XPR1: variants seen among roughly 807,000 people sequenced by gnomAD.
XPR1 encodes xenotropic and polytropic retrovirus receptor 1.
A neutral mutation model predicts 87.5 loss-of-function variants in XPR1; 28 were observed. The ratio of observed to expected loss-of-function variants is 0.32; its 90% CI spans 0.24 to 0.44. The LOEUF is 0.44. Among genes scored for constraint, XPR1 ranks in the 20% least tolerant of loss-of-function variants. The probability of loss-of-function intolerance (pLI) is 1.00; values close to 1 mark genes in which losing one functional copy is unlikely to be tolerated. For synonymous variants in XPR1, 300 were observed against 306.1 expected (o/e 0.98, Z 0.21); for missense variants, 559 against 862.3 (o/e 0.65, Z 4.41).
chr1:180,844,886 G>T (rs192960359), intron 11 of XPR1, among the ~76,000 whole-genome samples: 1 of 152,102 alleles, frequency 6.6e-6, no homozygotes, highest in Admixed American at 6.5e-5. Context: ...TCCTCCAAAG[G>T]CCATTGCAAC....
At position 180,884,458 on chromosome 1, in the gene XPR1, T is replaced by C. The variant is rs560580562; in HGVS notation, c.*392T>C. On this transcript the variant is annotated 3_prime_UTR_variant, in exon 15 of 15. Coordinates refer to ENST00000367590, the MANE Select transcript of XPR1 (RefSeq NM_004736.4). ...GGCTTCCGCTCAGCCCGGTTTTGAC[T>C]GGTTGAAACCGGACATTGGTTTTTA... 6.4e-6 allele frequency: 1 copy of C among 157,110 alleles called. No homozygotes were observed. The highest frequency in any genetic ancestry group is 2.4e-5 in the African/African-American group (1 of 41,774). 9.7% of individuals were successfully genotyped at this position (157,110 alleles called of 1,614,324 possible). A position where few individuals can be genotyped will look rare whatever the true frequency, so the allele number is the denominator to read the frequency against.
At chr1:180,845,874 C>T (rs1057102147) in intron 11 of XPR1, among the ~76,000 whole-genome samples, 1 of 152,184 alleles carries the variant, frequency 6.6e-6, no homozygotes, top group East Asian at 1.9e-4. Flanking sequence ...TGGAGGGAAA[C>T]AAAACTAACA....
At chr1:180,809,362 T>G (rs557773943) in intron 6 of XPR1, among the ~76,000 whole-genome samples, 31 of 152,154 alleles carry the variant, frequency 2.0e-4, no homozygotes, top group Admixed American at 6.5e-4. Context: ...TTTGTAGACG[T>G]TTATGCAGTT....
At chr1:180,728,049 T>G (rs1658415277) in intron 2 of XPR1, among the ~76,000 whole-genome samples, 1 of 152,112 alleles carries the variant, frequency 6.6e-6, no homozygotes, top group Admixed American at 6.5e-5. Context: ...GCCCAGTAGG[T>G]TTCAGTCTCA....
intron 3 of XPR1, among the ~76,000 whole-genome samples, chr1:180,796,207 G>A (rs1649569256): frequency 6.6e-6 from 1 of 152,124 alleles, no homozygotes; most frequent in African/African-American, 2.4e-5. Context: ...GTTCTGTGCA[G>A]TCCCATGTGT....
chr1:180,710,247 A>G (rs1449890313), intron 2 of XPR1, among the ~76,000 whole-genome samples: 1 of 149,222 alleles, frequency 6.7e-6, no homozygotes, highest in African/African-American at 2.5e-5. Flanking sequence ...TGTTTCTCGC[A>G]GAGGGGGATT....
chr1:180,717,986 A>G (rs1272501200), intron 2 of XPR1, among the ~76,000 whole-genome samples: 1 of 152,242 alleles, frequency 6.6e-6, no homozygotes, highest in African/African-American at 2.4e-5. Context: ...TCTGTAGGAT[A>G]GAAGAATGGT....
chr1:180,825,632 A>G (rs1461719640), intron 9 of XPR1, among the ~76,000 whole-genome samples: 1 of 152,232 alleles, frequency 6.6e-6, no homozygotes, highest in Non-Finnish European at 1.5e-5. Flanking sequence ...CCCCAAAAAA[A>G]TGTGGTAAAA....
chr1:180,775,892 G>A (rs775649993), intron 2 of XPR1, among the ~76,000 whole-genome samples: 1 of 152,058 alleles, frequency 6.6e-6, no homozygotes, highest in Admixed American at 6.6e-5. Context: ...ATTTACATAT[G>A]TACTAATTCC....
Position 180,715,803 on chromosome 1 carries a change from G to C in XPR1, c.121+33392G>C, listed in dbSNP as rs146096658. Among the ~76,000 whole-genome samples the C allele has an allele frequency of 3.1e-3, 466 of 151,930 alleles. 4 individuals carry two copies. Among genetic ancestry groups the C allele is most frequent in the African/African-American group, 0.01 (431 of 41,412 alleles). On this transcript the variant is annotated intron_variant, in intron 2 of 14. Coordinates refer to ENST00000367590, the MANE Select transcript of XPR1 (RefSeq NM_004736.4). ...TTCTCCTGCCTCAGCCTCCTGAGTA[G>C]CTGGAATTACAAGTGTGCGCCCCCA...
intron 2 of XPR1, among the ~76,000 whole-genome samples, chr1:180,703,316 A>C (rs1184879261): frequency 2.6e-5 from 4 of 152,050 alleles, no homozygotes; most frequent in Admixed American, 1.3e-4. Context: ...TGATGGGTGG[A>C]GTGGGCTTGT....
At chr1:180,714,405 C>CGTCTGTCTGTCT (rs141207072) in intron 2 of XPR1, among the ~76,000 whole-genome samples, 1 of 120,562 alleles carries the variant, frequency 8.3e-6, no homozygotes, top group African/African-American at 3.2e-5. Context: ...CTCTCTCTGT[C>CGTCTGTCTGTCT]GTCTGTCTGT....
In XPR1 at chr1:180,825,352, C is replaced by T; in HGVS notation, c.1134+8C>T. 1.2e-6 allele frequency: 2 copies of T among 1,607,498 alleles called. No homozygotes were observed. The highest frequency in any genetic ancestry group is 1.7e-5 in the Admixed American group (1 of 58,894). ...TGGCTGCTTAAACTGCTGGTAAGTCCAGAAACTTGTGTACCACTTTTAGAG... is the reference window on the plus strand; with the variant it reads ...TGGCTGCTTAAACTGCTGGTAAGTCTAGAAACTTGTGTACCACTTTTAGAG... On this transcript the variant is annotated splice_region_variant and intron_variant, in intron 9 of 14. Coordinates refer to ENST00000367590, the MANE Select transcript of XPR1 (RefSeq NM_004736.4).
At chr1:180,684,719 G>A (rs1292659647) in intron 2 of XPR1, among the ~76,000 whole-genome samples, 1 of 152,128 alleles carries the variant, frequency 6.6e-6, no homozygotes, top group Non-Finnish European at 1.5e-5. Flanking sequence ...TTTTAAGTTG[G>A]ATTCCTAGGT....
chr1:180,857,436 G>T (rs914173401), intron 11 of XPR1, among the ~76,000 whole-genome samples: 4 of 152,078 alleles, frequency 2.6e-5, no homozygotes, highest in Non-Finnish European at 4.4e-5. Context: ...TGTGTACCTG[G>T]TACCTAGAAT....
chr1:180,782,056 A>G (rs1558005732), intron 2 of XPR1, among the ~76,000 whole-genome samples: 1 of 152,002 alleles, frequency 6.6e-6, no homozygotes, highest in Non-Finnish European at 1.5e-5. Context: ...TCTCTATTTT[A>G]GTATAACTCA....
intron 1 of XPR1, among the ~76,000 whole-genome samples, chr1:180,654,552 T>G (rs373855245): frequency 7.2e-5 from 11 of 152,260 alleles, no homozygotes; most frequent in African/African-American, 2.6e-4. Flanking sequence ...TCTTTCCTCT[T>G]AAACAACAAC....
intron 2 of XPR1, among the ~76,000 whole-genome samples, chr1:180,702,612 G>T (rs1475917475): frequency 6.6e-6 from 1 of 151,692 alleles, no homozygotes; most frequent in African/African-American, 2.4e-5. Context: ...TTCATTCATT[G>T]ACTACTTCAG....
intron 3 of XPR1, among the ~76,000 whole-genome samples, chr1:180,789,482 A>G (rs80085851): frequency 0.041 from 6,242 of 152,006 alleles, 163 homozygotes; most frequent in African/African-American, 0.072. Context: ...CTCCTTTAAC[A>G]TCTGTTTTTC....
Sources: gnomAD v4.1 joint callset for allele counts (sites outside exome capture counted in the v4.1 genomes callset) on GRCh38, gnomAD v4.1.1 for gene constraint, MANE v1.5 for transcripts, NCBI Gene and HGNC (gene_info 2026-07-23, HGNC 2026-07-21) for gene names.